ZNF350: variants seen among roughly 807,000 people sequenced by gnomAD.
ZNF350 encodes the protein KRAB zinc finger protein ZFQR.
Under a neutral mutation model 13.1 loss-of-function variants are expected in ZNF350, and 5 were observed. That is an observed-to-expected ratio of 0.38 (90% CI 0.20 to 0.80). ZNF350 has a LOEUF of 0.80. Among genes scored for constraint, ZNF350 ranks in the 30% least tolerant of loss-of-function variants. The pLI is 0.43. For synonymous variants in ZNF350, 199 were observed against 224.2 expected (o/e 0.89, Z 1.00); for missense variants, 534 against 644.2 (o/e 0.83, Z 1.85).
intron 1 of ZNF350, among the ~76,000 whole-genome samples, chr19:51,984,914 A>C (rs2086132543): frequency 1.3e-5 from 2 of 152,192 alleles, no homozygotes; most frequent in African/African-American, 4.8e-5. Flanking sequence ...AGGCTGACAC[A>C]AAAAAAGAGT....
intron 3 of ZNF350, 103 bp from the exon 4 acceptor site, chr19:51,968,776 C>T: frequency 6.9e-7 from 1 of 1,439,878 alleles, no homozygotes; most frequent in East Asian, 2.3e-5. Flanking sequence ...TCTTAAAATA[C>T]CCAAAATTTA....
At chr19:51,966,472 C>CG (rs200304680) in intron 4 of ZNF350, among the ~76,000 whole-genome samples, 4,047 of 151,580 alleles carry the variant, frequency 0.027, 70 homozygotes, top group Non-Finnish European at 0.038. Flanking sequence ...TTACTACAGA[C>CG]GGGGTCTCAC....
intron 4 of ZNF350, among the ~76,000 whole-genome samples, chr19:51,966,633 A>G (rs1380584041): frequency 6.7e-6 from 1 of 149,006 alleles, no homozygotes; most frequent in East Asian, 2.0e-4. Flanking sequence ...CTCACAGCCA[A>G]AGTATTTTTT....
In ZNF350 at chr19:51,979,480, T is replaced by C. The variant is rs544481444; in HGVS notation, c.-171-4949A>G. Among the ~76,000 whole-genome samples, 3 of 152,182 alleles carry C rather than the reference T, an allele frequency of 2.0e-5. No individual in the cohort carries two copies. The South Asian group carries it at 6.2e-4, about 32-fold the overall frequency. ...CACTCCACTGGAAGGACTCCCTTTG[T>C]TTATCACCACAAAGACGTCGCTCAG... is the stretch of plus-strand genomic sequence containing the variant. On this transcript the variant is annotated intron_variant, in intron 1 of 4. Transcript: ENST00000243644.
chr19:51,974,255 A>T, intron 2 of ZNF350, 91 bp downstream of exon 2: 1 of 1,428,058 alleles, frequency 7.0e-7, no homozygotes, highest in Admixed American at 2.0e-5. Flanking sequence ...TGAAATTTAT[A>T]CTTTTTATAT....
intron 3 of ZNF350, 148 bp from the exon 4 acceptor site, chr19:51,968,821 T>C (rs2085650684): frequency 9.7e-6 from 14 of 1,443,270 alleles, no homozygotes; most frequent in Non-Finnish European, 1.3e-5. Flanking sequence ...TTTCGTTTCA[T>C]ATCTGTAACA....
intron 1 of ZNF350, among the ~76,000 whole-genome samples, chr19:51,983,629 T>G (rs1179355452): frequency 6.6e-6 from 1 of 152,190 alleles, no homozygotes; most frequent in Non-Finnish European, 1.5e-5. Flanking sequence ...TACGTACACA[T>G]CAAGGCACAG....
In ZNF350 at chr19:51,976,733, C is replaced by T. The variant is rs2085906598; in HGVS notation, c.-171-2202G>A. On this transcript the variant is annotated intron_variant, in intron 1 of 4. Coordinates refer to ENST00000243644, the MANE Select transcript of ZNF350 (RefSeq NM_021632.4). The surrounding 1 kb of genome is among the most constrained non-coding windows in gnomAD (Gnocchi z 4.5). ...ACAGTCTGCAGCTCAGGTTAATTCG[C>T]AGACACTAACCTCCTGCAGAAGCCA... The T allele has an allele frequency of 1.3e-5, 2 of 152,180 alleles. No homozygotes were observed. Among genetic ancestry groups the T allele is most frequent in the Admixed American group, 1.3e-4 (2 of 15,282 alleles). The allele number at this position is 152,180 out of a possible 1,614,324, so 9.4% of individuals were successfully genotyped here. A position where few individuals can be genotyped will look rare whatever the true frequency, so the allele number is the denominator to read the frequency against.
At chr19:51,982,243 G>A (rs544882281) in intron 1 of ZNF350, among the ~76,000 whole-genome samples, 3 of 152,308 alleles carry the variant, frequency 2.0e-5, no homozygotes, top group African/African-American at 7.2e-5. Context: ...ACAGCCAATT[G>A]TTAATTGATA....
At chr19:51,969,274 A>G (rs2122885830) in intron 2 of ZNF350, 143 bp from the exon 3 acceptor site, 2 of 884,850 alleles carry the variant, frequency 2.3e-6, no homozygotes, top group South Asian at 1.8e-5. Context: ...GAAGAAGTAA[A>G]GTCCTAATAT....
At chr19:51,970,493 T>C (rs1276895042) in intron 2 of ZNF350, among the ~76,000 whole-genome samples, 2 of 152,190 alleles carry the variant, frequency 1.3e-5, no homozygotes, top group Non-Finnish European at 2.9e-5. Context: ...TCAGTTCAGA[T>C]GCTTAAAAAA....
chr19:51,974,194 C>A, intron 2 of ZNF350, 152 bp downstream of exon 2: 1 of 721,588 alleles, frequency 1.4e-6, no homozygotes, highest in Middle Eastern at 2.8e-4. Context: ...TACTATTTTG[C>A]ATGATATTGA....
chr19:51,984,968 CTG>C lies in ZNF350; in HGVS notation c.-172+1800_-172+1801del, dbSNP rs111785346. On this transcript the variant is annotated intron_variant, in intron 1 of 4. Coordinates refer to ENST00000243644, the MANE Select transcript of ZNF350 (RefSeq NM_021632.4). The stretch of plus-strand genomic sequence containing the variant: ...TATACAGAGTTTAAAATAGGCAAAA[CTG>C]TATTAACTACAATGATAAATAATGA... Among the ~76,000 whole-genome samples the C allele has an allele frequency of 4.9e-4, 75 of 152,210 alleles. 2 individuals carry two copies. Among genetic ancestry groups the C allele is most frequent in the African/African-American group, 1.7e-3 (71 of 41,522 alleles).
rs2085545486 is a variant in ZNF350, at chr19:51,965,635, T to C, written c.818A>G (p.Lys273Arg). Reference sequence around the variant, plus strand: ...CTGATGTATGTTGAGCCGTGATTTCTTGAGAAAGGCTTTGCCACATTCAGG... The same window carrying C: ...CTGATGTATGTTGAGCCGTGATTTCCTGAGAAAGGCTTTGCCACATTCAGG... Reference protein sequence around the residue: ...ECPECGKAFLKKSRLNIHQKT... With the variant: ...ECPECGKAFLRKSRLNIHQKT... Residue 273 changes from lysine to arginine, a missense_variant, in exon 5 of 5, where the codon AAG becomes AGG. Physicochemically the swap from Lys to Arg is conservative, Grantham distance 26. Transcript: ENST00000243644. 1 of 1,614,128 alleles carries C rather than the reference T, an allele frequency of 6.2e-7. No homozygotes were observed. Among genetic ancestry groups the C allele is most frequent in the African/African-American group, 1.3e-5 (1 of 74,950 alleles).
intron 4 of ZNF350, 76 bp from the exon 5 acceptor site, chr19:51,966,290 G>GTTTTT: frequency 9.2e-7 from 1 of 1,083,476 alleles, no homozygotes; most frequent in African/African-American, 1.7e-5. Flanking sequence ...TGTTTTTTTT[G>GTTTTT]TTTTTTTTTT....
chr19:51,978,794 T>G (rs1283092344), intron 1 of ZNF350, among the ~76,000 whole-genome samples: 1 of 152,202 alleles, frequency 6.6e-6, no homozygotes, highest in East Asian at 1.9e-4. Flanking sequence ...TTATTTACTT[T>G]AAATTTTCTG....
In ZNF350 at chr19:51,965,888, A is replaced by G; in HGVS notation, c.565T>C (p.Ser189Pro). The change falls in exon 5 of 5, where the codon TCC (serine) becomes CCC (proline). Residue 189 changes from serine to proline, a missense_variant. Transcript: ENST00000243644. ...PASQKLISTK[S>P]QFISPKHQKT... is the part of the protein sequence containing the mutation. ...TGATGCTTGGGACTGATGAATTGGG[A>G]CTTAGTGCTGATGAGTTTTTGACTT... 3 of 1,614,064 alleles carry G rather than the reference A, an allele frequency of 1.9e-6. No individual in the cohort carries two copies. The highest frequency in any genetic ancestry group is 2.5e-6 in the Non-Finnish European group (3 of 1,180,024).
chr19:51,968,214 G>A (rs1001223531), intron 4 of ZNF350, among the ~76,000 whole-genome samples: 13 of 152,130 alleles, frequency 8.5e-5, no homozygotes, highest in Admixed American at 4.6e-4. Context: ...GTGGGAGTCC[G>A]AAAACAGTGA....
At chr19:51,986,445 C>G (rs1159974286) in intron 1 of ZNF350, 1 of 152,550 alleles carries the variant, frequency 6.6e-6, no homozygotes, top group Non-Finnish European at 1.5e-5. Context: ...AATCCTGAAC[C>G]CGAAGCAGAC....
Sources: allele counts gnomAD v4.1 joint callset (sites outside exome capture counted in the v4.1 genomes callset), GRCh38; gene constraint gnomAD v4.1.1; non-coding constraint Gnocchi (gnomAD v3.1); transcripts MANE v1.5; gene names NCBI Gene and HGNC (gene_info 2026-07-23, HGNC 2026-07-21).